ABCA13: variants seen among roughly 807,000 people sequenced by gnomAD.
ABCA13 encodes ATP binding cassette subfamily A member 13.
Under a neutral mutation model 478.7 loss-of-function variants are expected in ABCA13, and 476 were observed. That is an observed-to-expected ratio of 0.99 (90% CI 0.92 to 1.07). ABCA13 has a LOEUF of 1.07. ABCA13 is among the 50% of genes least tolerant of loss of function. The pLI is 0.00. For synonymous variants in ABCA13, 2,252 were observed against 2,158.9 expected (o/e 1.04, Z -1.20); for missense variants, 6,060 against 5,910.6 (o/e 1.03, Z -0.83).
At chr7:48,454,860 C>T (rs1321419853) in intron 42 of ABCA13, among the ~76,000 whole-genome samples, 177 bp from the exon 43 acceptor site, 1 of 152,234 alleles carries the variant, frequency 6.6e-6, no homozygotes, top group Non-Finnish European at 1.5e-5. Flanking sequence ...GCCCAAGGCC[C>T]AGCTTCCGCA....
intron 27 of ABCA13, among the ~76,000 whole-genome samples, chr7:48,325,633 A>G (rs1272925063): frequency 6.6e-6 from 1 of 152,146 alleles, no homozygotes; most frequent in Non-Finnish European, 1.5e-5. Context: ...GTATCAGTCA[A>G]GGTTCAAGCA....
In ABCA13 at chr7:48,276,294, ATTAAT is replaced by A. The variant is rs1320681653; in HGVS notation, c.6631_6635del (p.Asn2211AspfsTer3). ...TCAGCTGCTTTTTGAAAACATCCTA[ATTAAT>A]TTGATCAATAACTTAGCTGGGAATT... On this transcript the variant is annotated frameshift_variant, in exon 17 of 62. Transcript: ENST00000435803. LOFTEE classifies it high-confidence loss of function. 1 of 1,560,344 alleles carries A rather than the reference ATTAAT, an allele frequency of 6.4e-7. No homozygotes were observed. The highest frequency in any genetic ancestry group is 2.3e-5 in the East Asian group (1 of 43,058).
chr7:48,285,248 G>A (rs1797569823), intron 19 of ABCA13, among the ~76,000 whole-genome samples: 1 of 152,190 alleles, frequency 6.6e-6, no homozygotes, highest in Non-Finnish European at 1.5e-5. Flanking sequence ...GAGAGGAAAG[G>A]GGTCCAGAGA....
chr7:48,612,492 A>T (rs1218126709), intron 58 of ABCA13, among the ~76,000 whole-genome samples: 1 of 152,160 alleles, frequency 6.6e-6, no homozygotes, highest in Non-Finnish European at 1.5e-5. Flanking sequence ...TTTTCTTACT[A>T]GGTAGTTTTT....
At chr7:48,518,736 A>G (rs770013274) in intron 52 of ABCA13, among the ~76,000 whole-genome samples, 1 of 152,186 alleles carries the variant, frequency 6.6e-6, no homozygotes, top group Non-Finnish European at 1.5e-5. Flanking sequence ...GCTTTGTAGC[A>G]TTAATTCTTA....
chr7:48,245,893 G>A lies in ABCA13; in HGVS notation c.1522G>A (p.Gly508Ser). 1 of 1,613,324 alleles carries A rather than the reference G, an allele frequency of 6.2e-7. No individual in the cohort carries two copies. Among genetic ancestry groups the A allele is most frequent in the Non-Finnish European group, 8.5e-7 (1 of 1,179,636 alleles). ...GGCGAAGAATGCTGTCTGCCCGAAT[G>A]GTCGTTTCTCTGAGAAGGAGGTCTT... is the stretch of plus-strand genomic sequence containing the variant. ...MLAKNAVCPNGRFSEKEVFLP... is the reference protein window; with the variant it reads ...MLAKNAVCPNSRFSEKEVFLP... Residue 508 changes from glycine (G) to serine (S), a missense_variant, in exon 13 of 62, where the codon GGT becomes AGT. Transcript: ENST00000435803.
At chr7:48,639,375 A>G (rs1794932554) in intron 59 of ABCA13, among the ~76,000 whole-genome samples, 1 of 152,184 alleles carries the variant, frequency 6.6e-6, no homozygotes, top group Admixed American at 6.5e-5. Flanking sequence ...TTGTTGAGGC[A>G]CCAACCCATG....
At chr7:48,331,214 G>C (rs993699765) in intron 27 of ABCA13, among the ~76,000 whole-genome samples, 1 of 152,206 alleles carries the variant, frequency 6.6e-6, no homozygotes, top group Non-Finnish European at 1.5e-5. Context: ...CTGCAAGTAA[G>C]AGAGGAATAA....
intron 43 of ABCA13, among the ~76,000 whole-genome samples, chr7:48,465,970 ATATCTATATAATC>A: frequency 6.6e-6 from 1 of 152,140 alleles, no homozygotes; most frequent in South Asian, 2.1e-4. Flanking sequence ...GTCACCAGGT[ATATCTATATAATC>A]TATAATGCTG....
chr7:48,468,265 TAGAGCCCC>T (rs1827106584), intron 44 of ABCA13, among the ~76,000 whole-genome samples: 1 of 152,204 alleles, frequency 6.6e-6, no homozygotes, highest in Admixed American at 6.5e-5. Flanking sequence ...TGGGTTGCAG[TAGAGCCCC>T]AAACTCTCCT....
chr7:48,521,038 T>C (rs62447314), intron 53 of ABCA13, among the ~76,000 whole-genome samples: 12,769 of 148,140 alleles, frequency 0.086, 937 homozygotes, highest in African/African-American at 0.21. Context: ...GACATGTAGA[T>C]ATATAATGTG....
At chr7:48,496,502 A>G (rs931563390) in intron 48 of ABCA13, among the ~76,000 whole-genome samples, 6 of 151,978 alleles carry the variant, frequency 3.9e-5, no homozygotes, top group Non-Finnish European at 7.4e-5. Flanking sequence ...AGTCTATTAT[A>G]TTTACTTCTA....
At chr7:48,292,019 C>T (rs1398452466) in intron 20 of ABCA13, among the ~76,000 whole-genome samples, 7 of 152,174 alleles carry the variant, frequency 4.6e-5, no homozygotes, top group Admixed American at 4.6e-4. Flanking sequence ...TCAGTCTGTG[C>T]TCACATGCTA....
chr7:48,285,369 G>GA (rs1562967378), intron 19 of ABCA13, among the ~76,000 whole-genome samples: 1 of 152,232 alleles, frequency 6.6e-6, no homozygotes, highest in African/African-American at 2.4e-5. Context: ...GAGGCAATGA[G>GA]AGGTGGAGAA....
At chr7:48,626,573 A>G (rs1028119436) in intron 59 of ABCA13, 3 of 980,992 alleles carry the variant, frequency 3.1e-6, no homozygotes, top group African/African-American at 1.7e-5. Context: ...TAACTGGCCT[A>G]TTAAACAGAA....
chr7:48,412,622 C>G, intron 41 of ABCA13, 39 bp downstream of exon 41: 1 of 1,533,354 alleles, frequency 6.5e-7, no homozygotes, highest in Non-Finnish European at 8.8e-7. Context: ...TTATTTATGC[C>G]TTTTTGACCA....
intron 15 of ABCA13, among the ~76,000 whole-genome samples, chr7:48,252,087 C>T (rs932802753): frequency 9.2e-5 from 14 of 152,080 alleles, no homozygotes; most frequent in Admixed American, 2.6e-4. Flanking sequence ...GGGGTGTTTT[C>T]AGCCGTTAAT....
intron 1 of ABCA13, among the ~76,000 whole-genome samples, chr7:48,181,591 A>G (rs578110298): frequency 4.6e-5 from 7 of 151,896 alleles, no homozygotes; most frequent in African/African-American, 1.7e-4. Context: ...AAGTAGCCTA[A>G]TGCCCTTGTT....
chr7:48,291,847 G>A (rs1246924177), intron 20 of ABCA13, among the ~76,000 whole-genome samples: 1 of 152,084 alleles, frequency 6.6e-6, no homozygotes, highest in East Asian at 1.9e-4. Context: ...CGGCTTCTGA[G>A]CCCGGCATTG....
Sources: allele counts gnomAD v4.1 joint callset (sites outside exome capture counted in the v4.1 genomes callset), GRCh38; gene constraint gnomAD v4.1.1; transcripts MANE v1.5; gene names NCBI Gene and HGNC (gene_info 2026-07-23, HGNC 2026-07-21).